The following LRRFIP2 variants were observed in gnomAD, a reference collection of about 807,000 sequenced individuals.
The protein encoded by LRRFIP2 is leucine-rich repeat flightless-interacting protein 2.
A neutral mutation model predicts 125.9 loss-of-function variants in LRRFIP2; 109 were observed. That is an observed-to-expected ratio of 0.87 (90% confidence interval 0.74 to 1.01). The LOEUF is 1.01. LRRFIP2 is among the 50% of genes least tolerant of loss of function. The probability of loss-of-function intolerance (pLI) is 0.00; values close to 1 mark genes in which losing one functional copy is unlikely to be tolerated. For synonymous variants in LRRFIP2, 291 were observed against 293.1 expected (o/e 0.99, Z 0.07); for missense variants, 850 against 862.3 (o/e 0.99, Z 0.18).
At chr3:37,083,553 T>C in intron 19 of LRRFIP2, 83 bp downstream of exon 19, 1 of 1,041,378 alleles carries the variant, frequency 9.6e-7, no homozygotes, top group Middle Eastern at 2.5e-4. Context: ...CATTCCTAAA[T>C]AAGTATGCTG....
chr3:37,094,756 C>A, intron 17 of LRRFIP2, 36 bp downstream of exon 17: 1 of 1,386,434 alleles, frequency 7.2e-7, no homozygotes, highest in Non-Finnish European at 1.0e-6. Context: ...AGTCAAAAAA[C>A]TGCTTTTAAA....
intron 23 of LRRFIP2, 147 bp downstream of exon 23, chr3:37,065,663 G>T: frequency 2.1e-6 from 2 of 947,798 alleles, no homozygotes; most frequent in Non-Finnish European, 3.4e-6. Context: ...TGAAGACAAT[G>T]TGCCAATGTG....
At chr3:37,069,281 T>C (rs1438069902) in intron 21 of LRRFIP2, among the ~76,000 whole-genome samples, 2 of 152,210 alleles carry the variant, frequency 1.3e-5, no homozygotes, top group African/African-American at 2.4e-5. Flanking sequence ...TGAAGAGTTA[T>C]TTGAATACCC....
At position 37,121,477 on chromosome 3, in the gene LRRFIP2, A is replaced by C. The variant is rs371553671; in HGVS notation, c.330+15T>G. 1.3e-5 allele frequency: 21 copies of C among 1,612,244 alleles called. No homozygotes were observed. Among genetic ancestry groups the C allele is most frequent in the Non-Finnish European group, 1.8e-5 (21 of 1,178,410 alleles). On this transcript the variant is annotated intron_variant, in intron 6 of 27. Transcript: ENST00000336686. The stretch of plus-strand genomic sequence containing the variant: ...ACGTAAGCTTTGTATTGTGTAGACA[A>C]GTTAAAATACCAACCCTGTGACTGC...
intron 6 of LRRFIP2, among the ~76,000 whole-genome samples, chr3:37,115,752 G>A (rs997149625): frequency 2.0e-5 from 3 of 152,094 alleles, no homozygotes; most frequent in Non-Finnish European, 2.9e-5. Context: ...TACAAAACTC[G>A]TAAGACCAGA....
chr3:37,117,491 AAAG>A (rs2094843952), intron 6 of LRRFIP2, among the ~76,000 whole-genome samples: 1 of 152,180 alleles, frequency 6.6e-6, no homozygotes, highest in Non-Finnish European at 1.5e-5. Context: ...ATATTGTTGT[AAAG>A]AAAAGAAAGA....
Position 37,083,722 on chromosome 3 carries a change from A to G in LRRFIP2, c.1192T>C (p.Tyr398His). 1 of 1,601,444 alleles carries G rather than the reference A, an allele frequency of 6.2e-7. No homozygotes were observed. Among genetic ancestry groups the G allele is most frequent in the South Asian group, 1.1e-5 (1 of 88,388 alleles). Residue 398 changes from tyrosine to histidine, a missense_variant, in exon 19 of 28, where the codon TAC becomes CAC. By Grantham distance (83) the Tyr-to-His change is moderately conservative. Transcript: ENST00000336686. The stretch of plus-strand genomic sequence containing the variant: ...ACATCCTTGAGTGTGTCTACTTGGT[A>G]GATCAAATTGTTCTTCTCATTGTCT... ...QLDNEKNNLI[Y>H]QVDTLKDVIE...
intron 25 of LRRFIP2, among the ~76,000 whole-genome samples, chr3:37,058,100 G>A (rs141088339): frequency 2.6e-4 from 40 of 152,258 alleles, no homozygotes; most frequent in African/African-American, 9.6e-4. Flanking sequence ...ACAAATTCCA[G>A]AGAAAAAACT....
chr3:37,127,344 G>A (rs989674210), intron 4 of LRRFIP2, among the ~76,000 whole-genome samples: 3 of 152,000 alleles, frequency 2.0e-5, no homozygotes, highest in African/African-American at 4.8e-5. Context: ...GAGAGAGAAG[G>A]GGGGAAGAAA....
intron 25 of LRRFIP2, 60 bp from the exon 26 acceptor site, chr3:37,055,225 C>T: frequency 1.0e-6 from 1 of 978,122 alleles, no homozygotes; most frequent in South Asian, 1.6e-5. Context: ...TATGAGCCAT[C>T]AGGCAGTACC....
At chr3:37,075,854 G>A (rs533199741) in intron 19 of LRRFIP2, among the ~76,000 whole-genome samples, 2 of 151,936 alleles carry the variant, frequency 1.3e-5, no homozygotes, top group South Asian at 4.2e-4. Context: ...TATAGACCAA[G>A]GGAGCAGAAT....
At position 37,102,946 on chromosome 3, in the gene LRRFIP2, A is replaced by G. The variant is rs769753614; in HGVS notation, c.851T>C (p.Ile284Thr). ...RGSVVSEVDD[I>T]SIPDLSSLDE... ...CACGCTGGACAAATCTGGGATACTG[A>G]TATCATCCACCTCAGAGACAACACT... The change falls in exon 15 of 28, where the codon ATC becomes ACC. Residue 284 changes from isoleucine (I) to threonine (T), a missense_variant. Coordinates refer to ENST00000336686, the MANE Select transcript of LRRFIP2 (RefSeq NM_006309.4). 7.7e-6 allele frequency: 12 copies of G among 1,563,598 alleles called. No homozygotes were observed. The highest frequency in any genetic ancestry group is 1.9e-5 in the Admixed American group (1 of 52,680).
intron 2 of LRRFIP2, among the ~76,000 whole-genome samples, chr3:37,147,062 G>C (rs1478066266): frequency 6.6e-6 from 1 of 151,812 alleles, no homozygotes; most frequent in Non-Finnish European, 1.5e-5. Context: ...GACATGAACA[G>C]ACACTTCTCA....
At chr3:37,096,536 T>C in intron 16 of LRRFIP2, 80 bp downstream of exon 16, 3 of 890,150 alleles carry the variant, frequency 3.4e-6, no homozygotes, top group Admixed American at 4.5e-5. Flanking sequence ...GACCAATTGT[T>C]GTAAAATAAA....
intron 4 of LRRFIP2, among the ~76,000 whole-genome samples, chr3:37,123,870 C>T (rs2095169795): frequency 6.6e-6 from 1 of 152,108 alleles, no homozygotes; most frequent in Non-Finnish European, 1.5e-5. Flanking sequence ...GTCATACTTT[C>T]AATTATGCCC....
chr3:37,126,059 C>A (rs1415979623), intron 4 of LRRFIP2, among the ~76,000 whole-genome samples: 4 of 151,962 alleles, frequency 2.6e-5, no homozygotes, highest in Non-Finnish European at 5.9e-5. Context: ...GACACAGTCT[C>A]ACTCTGTTGC....
At chr3:37,166,519 C>T (rs982317543) in intron 1 of LRRFIP2, among the ~76,000 whole-genome samples, 5 of 151,990 alleles carry the variant, frequency 3.3e-5, no homozygotes, top group Non-Finnish European at 7.4e-5. Context: ...AGATAAAAGA[C>T]ATAAGTAGAC....
chr3:37,155,879 A>G (rs1009476767), intron 1 of LRRFIP2, among the ~76,000 whole-genome samples: 2 of 152,048 alleles, frequency 1.3e-5, no homozygotes, highest in African/African-American at 4.8e-5. Context: ...GTTTAAAAAA[A>G]GTTTTTTTTT....
intron 1 of LRRFIP2, among the ~76,000 whole-genome samples, chr3:37,165,245 A>AT (rs2096450174): frequency 6.6e-6 from 1 of 151,716 alleles, no homozygotes; most frequent in South Asian, 2.1e-4. Context: ...AAAAAAAAAA[A>AT]CAAAAAAACA....
Sources: gnomAD v4.1 joint callset for allele counts (sites outside exome capture counted in the v4.1 genomes callset) on GRCh38, gnomAD v4.1.1 for gene constraint, MANE v1.5 for transcripts, NCBI Gene and HGNC (gene_info 2026-07-23, HGNC 2026-07-21) for gene names.